IQGAP2: variants seen among roughly 807,000 people sequenced by gnomAD.
The protein encoded by IQGAP2 is IQ motif containing GTPase activating protein 2.
Under a neutral mutation model 201.3 loss-of-function variants are expected in IQGAP2, and 173 were observed. The observed-to-expected ratio is 0.86, with a 90% confidence interval of 0.76 to 0.98. IQGAP2 has a LOEUF of 0.98. Ranked by LOEUF, IQGAP2 falls within the 50% of genes least tolerant of loss-of-function variation. The pLI, the probability that IQGAP2 is intolerant of heterozygous loss-of-function variation, is 0.00. For missense variants in IQGAP2, 1,687 were observed against 1,864.8 expected (o/e 0.90, Z 1.76); for synonymous variants, 675 against 673.9 (o/e 1.00, Z -0.03).
chr5:76,415,663 C>T (rs1751365576), intron 1 of IQGAP2, among the ~76,000 whole-genome samples: 1 of 152,180 alleles, frequency 6.6e-6, no homozygotes, highest in African/African-American at 2.4e-5. Context: ...TGAAAGGGGC[C>T]AGGCACAGTG....
chr5:76,679,843 A>G (rs1281099273), intron 28 of IQGAP2, among the ~76,000 whole-genome samples: 1 of 152,192 alleles, frequency 6.6e-6, no homozygotes, highest in African/African-American at 2.4e-5. Flanking sequence ...AACAACACGT[A>G]ATTTCTTTGC....
At chr5:76,414,248 C>T (rs62363214) in intron 1 of IQGAP2, among the ~76,000 whole-genome samples, 2,779 of 152,244 alleles carry the variant, frequency 0.018, 46 homozygotes, top group Non-Finnish European at 0.03. Context: ...CAGTCCTACA[C>T]GAAGCAGGCT....
chr5:76,700,049 C>A (rs893274137), intron 33 of IQGAP2, among the ~76,000 whole-genome samples: 1 of 151,594 alleles, frequency 6.6e-6, no homozygotes. Flanking sequence ...ATTACATAAA[C>A]ATATACACTA....
At chr5:76,436,433 G>T (rs1752652995) in intron 1 of IQGAP2, among the ~76,000 whole-genome samples, 1 of 119,770 alleles carries the variant, frequency 8.3e-6, no homozygotes, top group African/African-American at 3.1e-5. Context: ...ATAAAAGAAT[G>T]CTAGGTTTTA....
chr5:76,522,251 C>T (rs925219696), intron 2 of IQGAP2, among the ~76,000 whole-genome samples: 11 of 150,926 alleles, frequency 7.3e-5, no homozygotes, highest in African/African-American at 1.5e-4. Context: ...GGCGCAATCT[C>T]GGCTCACTGC....
chr5:76,611,133 G>A lies in IQGAP2; in HGVS notation c.1471G>A (p.Ala491Thr). The A allele has an allele frequency of 1.2e-6, 2 of 1,613,930 alleles. No homozygotes were observed. The highest frequency in any genetic ancestry group is 8.5e-7 in the Non-Finnish European group (1 of 1,179,902). The change falls in exon 13 of 36, where the codon GCC becomes ACC. Residue 491 changes from alanine to threonine, a missense_variant. By Grantham distance (58) the Ala-to-Thr change is moderately conservative. Transcript: ENST00000274364. The part of the protein sequence containing the change: ...ANISDVDPAH[A>T]QHYQDVLYHA... ...TATTAGTGATGTGGACCCAGCCCAT[G>A]CCCAGCACTACCAGGATGTTTTATA...
At chr5:76,558,118 T>G (rs2150247060) in intron 2 of IQGAP2, among the ~76,000 whole-genome samples, 1 of 152,308 alleles carries the variant, frequency 6.6e-6, no homozygotes, top group Middle Eastern at 3.4e-3. Flanking sequence ...TATCAGTGTT[T>G]TAAACCTACT....
At chr5:76,545,924 C>G (rs751096633) in intron 2 of IQGAP2, among the ~76,000 whole-genome samples, 1 of 152,218 alleles carries the variant, frequency 6.6e-6, no homozygotes, top group East Asian at 1.9e-4. Context: ...ACACTCTCTC[C>G]TGTCATCAGA....
At chr5:76,685,948 G>A (rs1443281715) in intron 30 of IQGAP2, among the ~76,000 whole-genome samples, 1 of 152,150 alleles carries the variant, frequency 6.6e-6, no homozygotes, top group African/African-American at 2.4e-5. Flanking sequence ...CTGCTGCCCA[G>A]CCCCTAGCAA....
At chr5:76,424,142 A>T (rs1398418107) in intron 1 of IQGAP2, among the ~76,000 whole-genome samples, 2 of 152,160 alleles carry the variant, frequency 1.3e-5, no homozygotes, top group East Asian at 3.8e-4. Flanking sequence ...CAGAGACCCA[A>T]ATTTGGGACT....
intron 3 of IQGAP2, among the ~76,000 whole-genome samples, chr5:76,570,156 CA>C (rs200407759): frequency 5.3e-5 from 8 of 150,758 alleles, no homozygotes; most frequent in East Asian, 1.9e-4. Context: ...ATGATTAGAA[CA>C]AAAAAAAATG....
At chr5:76,601,166 A>G (rs1218478062) in intron 11 of IQGAP2, among the ~76,000 whole-genome samples, 194 bp downstream of exon 11, 1 of 152,238 alleles carries the variant, frequency 6.6e-6, no homozygotes, top group African/African-American at 2.4e-5. Flanking sequence ...GAAGAATCAG[A>G]AAGTGATCAT....
At chr5:76,517,286 G>C (rs1758388286) in intron 2 of IQGAP2, among the ~76,000 whole-genome samples, 1 of 152,144 alleles carries the variant, frequency 6.6e-6, no homozygotes, top group Non-Finnish European at 1.5e-5. Flanking sequence ...CATGGGATGT[G>C]ATCTCAGGGA....
At chr5:76,525,746 A>C (rs1758933320) in intron 2 of IQGAP2, among the ~76,000 whole-genome samples, 1 of 152,258 alleles carries the variant, frequency 6.6e-6, no homozygotes, top group Non-Finnish European at 1.5e-5. Flanking sequence ...AAAATATTTA[A>C]GAAAACACTT....
intron 2 of IQGAP2, among the ~76,000 whole-genome samples, chr5:76,494,982 A>G (rs1293012384): frequency 6.6e-6 from 1 of 152,224 alleles, no homozygotes; most frequent in Admixed American, 6.5e-5. Context: ...TTTTCATTAC[A>G]TAACCCATTT....
At chr5:76,433,248 AT>A (rs1166279648) in intron 1 of IQGAP2, among the ~76,000 whole-genome samples, 2 of 152,176 alleles carry the variant, frequency 1.3e-5, no homozygotes, top group Non-Finnish European at 2.9e-5. Context: ...TTAGTCATAA[AT>A]TCTTTGCCTA....
chr5:76,685,936 C>T (rs549708979), intron 30 of IQGAP2, among the ~76,000 whole-genome samples: 10 of 152,286 alleles, frequency 6.6e-5, no homozygotes, highest in East Asian at 5.8e-4. Context: ...CCCCATTCCC[C>T]GCTGCTGCCC....
chr5:76,641,001 T>C lies in IQGAP2; in HGVS notation c.1992T>C (p.Leu664=). Residue 664 remains leucine, a synonymous_variant, in exon 17 of 36, where the codon CTT becomes CTC. Coordinates refer to ENST00000274364, the MANE Select transcript of IQGAP2 (RefSeq NM_006633.5). ...TATGGTCTGCTTCAGAAGAGTTGCT[T>C]CTTCGCTTTCAAGCCACAAGCTCAG... ...ENIWSASEEL[L]LRFQATSSGP... 6.2e-7 allele frequency: 1 copy of C among 1,610,618 alleles called. No individual in the cohort carries two copies. Among genetic ancestry groups the C allele is most frequent in the Non-Finnish European group, 8.5e-7 (1 of 1,177,116 alleles).
At chr5:76,470,738 C>G (rs1755054481) in intron 2 of IQGAP2, among the ~76,000 whole-genome samples, 1 of 152,006 alleles carries the variant, frequency 6.6e-6, no homozygotes, top group African/African-American at 2.4e-5. Flanking sequence ...TAATTGGGAG[C>G]TGTTTTAAAC....
Sources: gnomAD v4.1 joint callset for allele counts (sites outside exome capture counted in the v4.1 genomes callset) on GRCh38, gnomAD v4.1.1 for gene constraint, MANE v1.5 for transcripts, NCBI Gene and HGNC (gene_info 2026-07-23, HGNC 2026-07-21) for gene names.